The following TRPC5OS variants were observed in gnomAD, a reference collection of about 807,000 sequenced individuals.
TRPC5OS encodes the protein TRPC5 opposite strand, also known as putative uncharacterized protein TRPC5OS.
For missense variants in TRPC5OS, 64 were observed against 79.3 expected, an observed-to-expected ratio of 0.81 and a Z score of 0.73; for synonymous variants, 30 against 29.3, an observed-to-expected ratio of 1.02 and a Z score of -0.08.
chrX:111,902,022 A>C lies in TRPC5OS; in HGVS notation c.173A>C (p.Glu58Ala). The C allele has an allele frequency of 8.7e-7, 1 of 1,155,740 alleles. No individual in the cohort carries two copies. Among genetic ancestry groups the C allele is most frequent in the Non-Finnish European group, 1.1e-6 (1 of 872,762 alleles). ...GAAGCAGATGCACCTCTTCCCGAGG[A>C]GCCTTCGCTACCTGATCTCCCTGAT... is the stretch of plus-strand genomic sequence containing the variant. ...ETEADAPLPEEPSLPDLPDLS... is the reference protein window; with the variant it reads ...ETEADAPLPEAPSLPDLPDLS... Residue 58 changes from glutamate (E) to alanine (A), a missense_variant, in exon 4 of 4, where the codon GAG becomes GCG. By Grantham distance (107) the Glu-to-Ala change is moderately radical. Coordinates refer to ENST00000635763, the MANE Select transcript of TRPC5OS (RefSeq NM_001195578.2).
intron 3 of TRPC5OS, among the ~76,000 whole-genome samples, chrX:111,900,045 T>G (rs1925263965): frequency 9.0e-6 from 1 of 111,033 alleles, no homozygotes; most frequent in African/African-American, 3.3e-5. Context: ...TTAGGCTAAG[T>G]GGAGATACTA....
At chrX:111,876,573 G>A (rs759975172) in intron 1 of TRPC5OS, among the ~76,000 whole-genome samples, 1 of 111,668 alleles carries the variant, frequency 9.0e-6, no homozygotes, top group Admixed American at 9.5e-5. Flanking sequence ...AGGGAGTAGG[G>A]CCACAGATCA....
chrX:111,901,065 G>C (rs752117440), intron 3 of TRPC5OS, among the ~76,000 whole-genome samples: 3 of 111,385 alleles, frequency 2.7e-5, no homozygotes, highest in African/African-American at 9.8e-5. Flanking sequence ...CAAGGAACTA[G>C]TTTTATAACT....
intron 1 of TRPC5OS, among the ~76,000 whole-genome samples, chrX:111,885,669 C>A (rs1391089150): frequency 1.5e-4 from 17 of 110,455 alleles, no homozygotes; most frequent in African/African-American, 5.6e-4. Context: ...CAACATCATC[C>A]TCAAAATATA....
intron 1 of TRPC5OS, among the ~76,000 whole-genome samples, chrX:111,877,522 T>C (rs191239170): frequency 2.9e-4 from 32 of 111,153 alleles, no homozygotes; most frequent in Admixed American, 1.6e-3. Context: ...GAGGTATGTA[T>C]GGATGGTGTT....
In TRPC5OS at chrX:111,898,252, TA is replaced by T. The variant is rs1189379054; in HGVS notation, c.-311+1758del. Among the ~76,000 whole-genome samples, 311 of 47,087 alleles carry T rather than the reference TA, an allele frequency of 6.6e-3. 2 individuals are homozygous for T. In the African/African-American group the frequency reaches 0.12, roughly 18 times the overall value. 40.9% of individuals were successfully genotyped at this position (47,087 alleles called of 115,157 possible). ...TTTATTATTGAGTTGTAGGGGTTCT[TA>T]TATATATATATATATATATATATAG... On this transcript the variant is annotated intron_variant, in intron 3 of 3. Transcript: ENST00000635763.
At position 111,893,216 on chromosome X, in the gene TRPC5OS, A is replaced by G. The variant is rs188409143; in HGVS notation, c.-545-2735A>G. Among the ~76,000 whole-genome samples, 4 of 111,269 alleles carry G rather than the reference A, an allele frequency of 3.6e-5. No homozygotes were observed. In the East Asian group the frequency reaches 1.1e-3, roughly 31 times the overall value. ...CAGAAAGCTGAAGAAAGACTTGGAA[A>G]TAGAACCCCTTTTCCTGTTACCTCC... On this transcript the variant is annotated intron_variant, in intron 1 of 3. Transcript: ENST00000635763.
At chrX:111,880,267 T>C (rs1198807202) in intron 1 of TRPC5OS, among the ~76,000 whole-genome samples, 1 of 111,770 alleles carries the variant, frequency 8.9e-6, no homozygotes, top group African/African-American at 3.3e-5. Context: ...AGGTTAAGGG[T>C]TGTGTCTATA....
In TRPC5OS at chrX:111,903,245, T is replaced by A. The variant is rs1391498863; in HGVS notation, c.*1060T>A. ...AAGGAATGGATTGTTGTATTAAGTA[T>A]GTTTGCTCTATGGAGCAGAATTAGA... is the stretch of plus-strand genomic sequence containing the variant. On this transcript the variant is annotated 3_prime_UTR_variant, in exon 4 of 4. Transcript: ENST00000635763. The A allele has an allele frequency of 8.9e-6, 1 of 112,377 alleles. No individual in the cohort carries two copies. The highest frequency in any genetic ancestry group is 3.2e-5 in the African/African-American group (1 of 30,944). 9.3% of individuals were successfully genotyped at this position (112,377 alleles called of 1,213,427 possible).
chrX:111,895,763 T>C (rs772265273), intron 1 of TRPC5OS, among the ~76,000 whole-genome samples, 188 bp from the exon 2 acceptor site: 1 of 111,846 alleles, frequency 8.9e-6, no homozygotes, highest in Non-Finnish European at 1.9e-5. Context: ...TCTCTAGCTC[T>C]GTAACTAGCC....
At chrX:111,898,677 G>T (rs945143608) in intron 3 of TRPC5OS, among the ~76,000 whole-genome samples, 2 of 110,157 alleles carry the variant, frequency 1.8e-5, no homozygotes, top group Non-Finnish European at 3.8e-5. Flanking sequence ...TGTATGTGGG[G>T]GTAAGGTGAG....
At chrX:111,891,022 T>C (rs1205838199) in intron 1 of TRPC5OS, among the ~76,000 whole-genome samples, 1 of 111,981 alleles carries the variant, frequency 8.9e-6, no homozygotes, top group African/African-American at 3.3e-5. Flanking sequence ...TCCAGCTCAA[T>C]CCATGTCCCT....
At chrX:111,877,052 T>C (rs1337982971) in intron 1 of TRPC5OS, among the ~76,000 whole-genome samples, 3 of 111,664 alleles carry the variant, frequency 2.7e-5, no homozygotes, top group African/African-American at 9.8e-5. Context: ...TGTTTCAGAA[T>C]GATCAATCTT....
chrX:111,877,764 A>C (rs1420789237), intron 1 of TRPC5OS, among the ~76,000 whole-genome samples: 14 of 111,409 alleles, frequency 1.3e-4, no homozygotes, highest in Non-Finnish European at 1.9e-5. Flanking sequence ...GTGAGAGAGA[A>C]AAAGGCAGCA....
chrX:111,876,060 A>G (rs778516157), upstream of TRPC5OS: 5 of 110,908 alleles, frequency 4.5e-5, no homozygotes, highest in East Asian at 1.4e-3. Context: ...TAGAAAAGAC[A>G]AATGTGGCAA....
At chrX:111,886,985 A>T (rs1345948474) in intron 1 of TRPC5OS, among the ~76,000 whole-genome samples, 1 of 112,816 alleles carries the variant, frequency 8.9e-6, no homozygotes, top group Non-Finnish European at 1.9e-5. Flanking sequence ...CCTGCCAAGT[A>T]AATACCAGCT....
chrX:111,886,143 G>T (rs1346719590), intron 1 of TRPC5OS, among the ~76,000 whole-genome samples: 2 of 111,647 alleles, frequency 1.8e-5, no homozygotes, highest in Non-Finnish European at 3.8e-5. Flanking sequence ...AGTTGGGCAT[G>T]GTGGTGGGCG....
intron 1 of TRPC5OS, among the ~76,000 whole-genome samples, chrX:111,887,319 T>C (rs1924554700): frequency 8.9e-6 from 1 of 112,175 alleles, no homozygotes; most frequent in African/African-American, 3.2e-5. Flanking sequence ...AGAGTGCCAT[T>C]TGGGAATCAT....
intron 1 of TRPC5OS, among the ~76,000 whole-genome samples, chrX:111,891,922 A>T (rs1924827387): frequency 8.9e-6 from 1 of 112,387 alleles, no homozygotes; most frequent in African/African-American, 3.2e-5. Flanking sequence ...GAAACTATAA[A>T]ATATTTGAAT....
Sources: gnomAD v4.1 joint callset for allele counts (sites outside exome capture counted in the v4.1 genomes callset) on GRCh38, gnomAD v4.1.1 for gene constraint, MANE v1.5 for transcripts, NCBI Gene and HGNC (gene_info 2026-07-23, HGNC 2026-07-21) for gene names.